Variants in SEPTIN7 observed in about 807,000 individuals in gnomAD.
SEPTIN7 encodes the protein septin 7.
SEPTIN7 carries 10 observed loss-of-function variants against 63.3 expected under a neutral mutation model. The ratio of observed to expected loss-of-function variants is 0.16; its 90% confidence interval spans 0.10 to 0.27. The LOEUF (loss-of-function observed/expected upper bound fraction) is 0.27. Ranked by LOEUF, SEPTIN7 falls within the 10% of genes least tolerant of loss-of-function variation. The pLI is 1.00. For missense variants in SEPTIN7, 310 were observed against 521.0 expected, an observed-to-expected ratio of 0.59 and a Z score of 3.94; for synonymous variants, 131 against 165.3, an observed-to-expected ratio of 0.79 and a Z score of 1.59.
At chr7:35,893,832 A>G (rs899814569) in intron 11 of SEPTIN7, among the ~76,000 whole-genome samples, 4 of 152,312 alleles carry the variant, frequency 2.6e-5, no homozygotes, top group Middle Eastern at 3.4e-3. Context: ...TCTGAAGAAT[A>G]GCTGAACTTG....
intron 3 of SEPTIN7, among the ~76,000 whole-genome samples, chr7:35,839,512 A>AG (rs1279010019): frequency 7.3e-6 from 1 of 137,918 alleles, no homozygotes; most frequent in Non-Finnish European, 1.6e-5. Flanking sequence ...AATATGCTAT[A>AG]ATTTTTGTAA....
At chr7:35,907,842 A>G (rs981848300), downstream of SEPTIN7, among the ~76,000 whole-genome samples, 1 of 152,220 alleles carries the variant, frequency 6.6e-6, no homozygotes, top group African/African-American at 2.4e-5. Context: ...TTTCTCAGCT[A>G]TAAAACAGAC....
rs1460381232 is a variant in SEPTIN7 at position 35,905,396 on chromosome 7, C to T, written c.*1103C>T. 4 of 152,318 alleles carry T rather than the reference C, an allele frequency of 2.6e-5. No homozygotes were observed. Among genetic ancestry groups the T allele is most frequent in the African/African-American group, 9.7e-5 (4 of 41,448 alleles). 9.4% of individuals were successfully genotyped at this position (152,318 alleles called of 1,614,324 possible). On this transcript the variant is annotated 3_prime_UTR_variant, in exon 14 of 14. Coordinates refer to ENST00000350320, the MANE Select transcript of SEPTIN7 (RefSeq NM_001788.6). ...ACTTTTCAGCTTAAGTTTGCCTCCTCTACAATGACATCTTTTATATGCTTG... is the reference window on the plus strand; with the variant it reads ...ACTTTTCAGCTTAAGTTTGCCTCCTTTACAATGACATCTTTTATATGCTTG...
chr7:35,894,470 TAA>T (rs1210388553), intron 11 of SEPTIN7, among the ~76,000 whole-genome samples: 1 of 152,150 alleles, frequency 6.6e-6, no homozygotes, highest in African/African-American at 2.4e-5. Flanking sequence ...TAAATAGAAA[TAA>T]AGACAATTTG....
At chr7:35,873,284 A>G (rs560059338) in intron 5 of SEPTIN7, among the ~76,000 whole-genome samples, 2 of 151,986 alleles carry the variant, frequency 1.3e-5, no homozygotes, top group South Asian at 2.1e-4. Context: ...AAAACTCCCA[A>G]GTTCACCATG....
chr7:35,901,895 C>T (rs1483562786), intron 12 of SEPTIN7: 2 of 151,974 alleles, frequency 1.3e-5, no homozygotes, highest in Non-Finnish European at 2.9e-5. Context: ...AAGATATCAC[C>T]TCAGATTTGA....
At chr7:35,847,890 A>G (rs188337023) in intron 3 of SEPTIN7, 7 of 152,360 alleles carry the variant, frequency 4.6e-5, no homozygotes, top group African/African-American at 1.7e-4. Flanking sequence ...AAAGAGTTAA[A>G]AACTACCCAC....
the SEPTIN7 span, among the ~76,000 whole-genome samples, chr7:35,913,693 C>T: frequency 3.5e-4 from 53 of 152,158 alleles, no homozygotes; most frequent in African/African-American, 1.2e-3. Context: ...TCAGCTCAAG[C>T]GATCCTCCAA....
chr7:35,863,023 G>GAAGC (rs1321247977), intron 3 of SEPTIN7, among the ~76,000 whole-genome samples: 1 of 152,062 alleles, frequency 6.6e-6, no homozygotes, highest in East Asian at 1.9e-4. Context: ...TGGTTTGGGA[G>GAAGC]AAGCACCCTT....
At position 35,873,754 on chromosome 7, in the gene SEPTIN7, T is replaced by C. The variant is rs779310600; in HGVS notation, c.491T>C (p.Phe164Ser). 1.2e-6 allele frequency: 2 copies of C among 1,610,422 alleles called. No homozygotes were observed. The highest frequency in any genetic ancestry group is 1.7e-6 in the Non-Finnish European group (2 of 1,178,856). The change falls in exon 6 of 14, where the codon TTC becomes TCC. Residue 164 changes from phenylalanine (F) to serine (S), a missense_variant. Coordinates refer to ENST00000350320, the MANE Select transcript of SEPTIN7 (RefSeq NM_001788.6). ...PDNRVQCCLY[F>S]IAPSGHGLKP... Reference sequence around the variant, plus strand: ...AACAGGGTGCAGTGTTGTTTATACTTCATTGCTCCTTCAGGACATGGGTCA... The same window carrying C: ...AACAGGGTGCAGTGTTGTTTATACTCCATTGCTCCTTCAGGACATGGGTCA...
intron 1 of SEPTIN7, among the ~76,000 whole-genome samples, chr7:35,811,084 A>G (rs918702124): frequency 3.3e-5 from 5 of 152,104 alleles, no homozygotes; most frequent in Non-Finnish European, 7.4e-5. Flanking sequence ...CTTTCTTTTG[A>G]GGAAGATTTT....
chr7:35,861,356 G>A (rs1186697587), intron 3 of SEPTIN7, among the ~76,000 whole-genome samples: 3 of 152,154 alleles, frequency 2.0e-5, no homozygotes, highest in Non-Finnish European at 4.4e-5. Context: ...CTTGTTGCAT[G>A]CCTTGTGATG....
At chr7:35,851,047 T>C (rs1377628446) in intron 3 of SEPTIN7, among the ~76,000 whole-genome samples, 2 of 152,116 alleles carry the variant, frequency 1.3e-5, no homozygotes, top group African/African-American at 4.8e-5. Flanking sequence ...TATAAACAAA[T>C]ATTATTGTGA....
chr7:35,871,637 A>G (rs960666791), intron 4 of SEPTIN7, among the ~76,000 whole-genome samples: 3 of 152,238 alleles, frequency 2.0e-5, no homozygotes, highest in African/African-American at 7.2e-5. Flanking sequence ...CTCTTCATGC[A>G]TCAGGTAGCA....
chr7:35,802,681 A>T (rs190102088), intron 1 of SEPTIN7, among the ~76,000 whole-genome samples: 1 of 152,172 alleles, frequency 6.6e-6, no homozygotes. Flanking sequence ...GTGTACAGGT[A>T]GGGATGAAAT....
Position 35,882,523 on chromosome 7 carries a change from G to T in SEPTIN7, c.670G>T (p.Glu224Ter). 1 of 1,484,344 alleles carries T rather than the reference G, an allele frequency of 6.7e-7. No homozygotes were observed. Among genetic ancestry groups the T allele is most frequent in the South Asian group, 1.3e-5 (1 of 78,800 alleles). The allele number at this position is 1,484,344 out of a possible 1,614,324, so 91.9% of individuals were successfully genotyped here. A position where few individuals can be genotyped will look rare whatever the true frequency, so the allele number is the denominator to read the frequency against. The change falls in exon 8 of 14, where the codon GAA becomes TAA. Residue 224 changes from glutamate (E) to a stop codon, truncating the protein, a stop_gained. Transcript: ENST00000350320. LOFTEE classifies it high-confidence loss of function. ...CCAAGAACATAAAATTAAAATATAC[G>T]AATTTCCAGAAACAGATGATGAAGA... is the stretch of plus-strand genomic sequence containing the variant. ...EIQEHKIKIY[E>*]FPETDDEEEN...
chr7:35,897,640 C>T lies in SEPTIN7; in HGVS notation c.999-608C>T, dbSNP rs182499095. Among the ~76,000 whole-genome samples, 543 of 152,078 alleles carry T rather than the reference C, an allele frequency of 3.6e-3. 1 individual carries two copies. Among genetic ancestry groups the T allele is most frequent in the African/African-American group, 0.013 (519 of 41,488 alleles). On this transcript the variant is annotated intron_variant, in intron 11 of 13. Transcript: ENST00000350320. ...TTTAAATCACTGAACATCTTTAAAA[C>T]TTAAGACAGTGAAATATTTGAGTTA...
intron 6 of SEPTIN7, among the ~76,000 whole-genome samples, chr7:35,879,343 G>A (rs1786689149): frequency 6.6e-6 from 1 of 152,032 alleles, no homozygotes; most frequent in African/African-American, 2.4e-5. Context: ...AATTAGGCAG[G>A]CATGGTGGTG....
chr7:35,912,820 A>G, the SEPTIN7 span, among the ~76,000 whole-genome samples: 2 of 152,278 alleles, frequency 1.3e-5, no homozygotes, highest in Non-Finnish European at 2.9e-5. Context: ...GGAATTAATA[A>G]TAGTACTTAC....
Sources: allele counts gnomAD v4.1 joint callset (sites outside exome capture counted in the v4.1 genomes callset), GRCh38; gene constraint gnomAD v4.1.1; transcripts MANE v1.5; gene names NCBI Gene and HGNC (gene_info 2026-07-23, HGNC 2026-07-21).